DNAH11: variants seen among roughly 807,000 people sequenced by gnomAD.
The protein encoded by DNAH11 is dynein axonemal heavy chain 11.
DNAH11 carries 442 observed loss-of-function variants against 526.0 expected under a neutral mutation model. The ratio of observed to expected loss-of-function variants is 0.84; its 90% confidence interval spans 0.78 to 0.91. DNAH11 has a LOEUF of 0.91. DNAH11 is among the 40% of genes least tolerant of loss of function. The probability of loss-of-function intolerance (pLI) is 0.00; values close to 1 mark genes in which losing one functional copy is unlikely to be tolerated. For synonymous variants in DNAH11, 2,461 were observed against 1,935.9 expected, an observed-to-expected ratio of 1.27 and a Z score of -7.12; for missense variants, 6,989 against 5,448.7, an observed-to-expected ratio of 1.28 and a Z score of -8.90.
intron 20 of DNAH11, among the ~76,000 whole-genome samples, chr7:21,609,320 A>T (rs1051749931): frequency 1.3e-5 from 2 of 152,068 alleles, no homozygotes; most frequent in South Asian, 4.2e-4. Context: ...GGTTCAAGCA[A>T]TTCTCCTGCC....
At chr7:21,614,892 A>G (rs892056336) in intron 20 of DNAH11, among the ~76,000 whole-genome samples, 1 of 152,200 alleles carries the variant, frequency 6.6e-6, no homozygotes, top group Admixed American at 6.5e-5. Context: ...TAGGGACAGT[A>G]TTGTTGAAGT....
intron 45 of DNAH11, among the ~76,000 whole-genome samples, chr7:21,728,753 G>T (rs183249811): frequency 2.7e-4 from 41 of 152,302 alleles, no homozygotes; most frequent in African/African-American, 9.9e-4. Context: ...AAAATACAGT[G>T]GTAGAACAGG....
chr7:21,704,625 CAAAGTA>C lies in DNAH11; in HGVS notation c.6468+2_6468+7del. 6.3e-7 allele frequency: 1 copy of C among 1,590,524 alleles called. No homozygotes were observed. The highest frequency in any genetic ancestry group is 8.5e-7 in the Non-Finnish European group (1 of 1,173,768). On this transcript the variant is annotated splice_donor_variant and splice_donor_region_variant and coding_sequence_variant and intron_variant, in exon 38 of 82. Transcript: ENST00000409508. LOFTEE classifies it high-confidence loss of function. The stretch of plus-strand genomic sequence containing the variant: ...TGCAGCCTGAAGAGAGCTTCATCCT[CAAAGTA>C]AAAGGAGCATTTGCTTTTCATGGCA...
intron 68 of DNAH11, among the ~76,000 whole-genome samples, chr7:21,856,270 G>A (rs1411557026): frequency 1.3e-5 from 2 of 152,168 alleles, no homozygotes; most frequent in Admixed American, 6.5e-5. Context: ...TCAGAGTTAC[G>A]TGAACAGACC....
At chr7:21,756,630 A>G (rs1786652954) in intron 54 of DNAH11, among the ~76,000 whole-genome samples, 1 of 152,148 alleles carries the variant, frequency 6.6e-6, no homozygotes, top group Non-Finnish European at 1.5e-5. Context: ...TCATTCACCT[A>G]CACTGTTTTC....
chr7:21,609,589 A>C lies in DNAH11; in HGVS notation c.3852+2856A>C, dbSNP rs112460052. On this transcript the variant is annotated intron_variant, in intron 20 of 81. Coordinates refer to ENST00000409508, the MANE Select transcript of DNAH11 (RefSeq NM_001277115.2). ...GATAGGAAAAAAAACGATTAAAAAT[A>C]AATCAAAGGGATATTGGCTTTGGAG... Among the ~76,000 whole-genome samples, 524 of 152,354 alleles carry C rather than the reference A, an allele frequency of 3.4e-3. 8 individuals are homozygous for C. The highest frequency in any genetic ancestry group is 0.012 in the African/African-American group (489 of 41,588).
At chr7:21,736,390 A>T (rs1228460586) in intron 46 of DNAH11, among the ~76,000 whole-genome samples, 1 of 152,188 alleles carries the variant, frequency 6.6e-6, no homozygotes. Flanking sequence ...CATGGGATGT[A>T]GAGAGGAAAT....
In DNAH11 at chr7:21,704,419, T is replaced by TG. The variant is rs769466210; in HGVS notation, c.6274-14dup. ...ACCTTGTATTGGCTTTTTTATAAAA[T>TG]GTTTTTTTTTCTAGGTACTCATGAG... On this transcript the variant is annotated splice_polypyrimidine_tract_variant and intron_variant, in intron 37 of 81. Coordinates refer to ENST00000409508, the MANE Select transcript of DNAH11 (RefSeq NM_001277115.2). The TG allele has an allele frequency of 8.1e-6, 13 of 1,598,964 alleles. No homozygotes were observed. The highest frequency in any genetic ancestry group is 7.9e-5 in the South Asian group (7 of 88,126).
intron 62 of DNAH11, among the ~76,000 whole-genome samples, chr7:21,802,086 G>T (rs548477915): frequency 5.5e-4 from 84 of 152,298 alleles, no homozygotes; most frequent in Non-Finnish European, 1.0e-3. Flanking sequence ...TTACAAGGTT[G>T]TGATGATTCT....
chr7:21,809,217 T>A (rs546571910), intron 63 of DNAH11, among the ~76,000 whole-genome samples: 1 of 152,330 alleles, frequency 6.6e-6, no homozygotes, highest in East Asian at 1.9e-4. Flanking sequence ...ACTTTGTCCA[T>A]TTTACGATCA....
At chr7:21,609,850 T>C (rs954104891) in intron 20 of DNAH11, among the ~76,000 whole-genome samples, 2 of 152,142 alleles carry the variant, frequency 1.3e-5, no homozygotes, top group East Asian at 1.9e-4. Flanking sequence ...TAGAAGATGC[T>C]GTTAAGGGTG....
chr7:21,739,839 T>C (rs930873611), intron 48 of DNAH11, among the ~76,000 whole-genome samples, 166 bp downstream of exon 48: 1 of 152,208 alleles, frequency 6.6e-6, no homozygotes. Flanking sequence ...AGCCTTTTTG[T>C]TTTAATTGGT....
rs371439648 is a variant in DNAH11, at chr7:21,899,949, A to G, written c.13163-31A>G. On this transcript the variant is annotated intron_variant, in intron 80 of 81. Coordinates refer to ENST00000409508, the MANE Select transcript of DNAH11 (RefSeq NM_001277115.2). ...CGGGAACCTTACATGCAACACTTTT[A>G]TCCTATTCAATTTTTGTTATATTTC... 3.1e-6 allele frequency: 5 copies of G among 1,611,560 alleles called. No homozygotes were observed. The African/African-American group carries it at 6.7e-5, about 22-fold the overall frequency.
rs1159150090 is a variant in DNAH11 at position 21,581,967 on chromosome 7, G to A, written c.1656G>A (p.Gly552=). 11 of 1,613,238 alleles carry A rather than the reference G, an allele frequency of 6.8e-6. No homozygotes were observed. The Admixed American group carries it at 1.0e-4, about 15-fold the overall frequency. The stretch of plus-strand genomic sequence containing the variant: ...CTCTGGAATTTGACAGAAGGCTTGG[G>A]ACAATTATTTGTGAAGCTTTCTTTA... ...SKTLEFDRRL[G]TIICEAFFNC... Residue 552 remains glycine (G), a synonymous_variant, in exon 9 of 82, where the codon GGG becomes GGA. Coordinates refer to ENST00000409508, the MANE Select transcript of DNAH11 (RefSeq NM_001277115.2).
In DNAH11 at chr7:21,739,579, G is replaced by A. The variant is rs376929592; in HGVS notation, c.7820G>A (p.Arg2607Lys). The change falls in exon 48 of 82, where the codon AGA (arginine) becomes AAA (lysine). Residue 2607 changes from arginine to lysine, a missense_variant. Coordinates refer to ENST00000409508, the MANE Select transcript of DNAH11 (RefSeq NM_001277115.2). ...QHIDYGHWYD[R>K]QKVMLKEIHN... ...TGTTTTCTGTCTTTCAGGTATGATAGACAGAAGGTGATGCTTAAAGAAATC... is the reference window on the plus strand; with the variant it reads ...TGTTTTCTGTCTTTCAGGTATGATAAACAGAAGGTGATGCTTAAAGAAATC... 4.3e-6 allele frequency: 7 copies of A among 1,611,698 alleles called. No homozygotes were observed. Among genetic ancestry groups the A allele is most frequent in the Non-Finnish European group, 5.9e-6 (7 of 1,179,088 alleles).
At chr7:21,587,628 G>T (rs1449410989) in intron 9 of DNAH11, among the ~76,000 whole-genome samples, 1 of 152,024 alleles carries the variant, frequency 6.6e-6, no homozygotes, top group African/African-American at 2.4e-5. Flanking sequence ...GGCACATCTG[G>T]TATAATTATT....
chr7:21,898,215 C>G (rs779169726), intron 79 of DNAH11, among the ~76,000 whole-genome samples: 1 of 152,186 alleles, frequency 6.6e-6, no homozygotes, highest in African/African-American at 2.4e-5. Flanking sequence ...TTGCTTTTCT[C>G]ATTCGCCTTT....
chr7:21,849,583 A>T (rs1214236472), intron 66 of DNAH11, among the ~76,000 whole-genome samples: 2 of 152,222 alleles, frequency 1.3e-5, no homozygotes, highest in African/African-American at 4.8e-5. Flanking sequence ...ATTTTATAAG[A>T]TACAAAATTA....
At chr7:21,598,556 C>T (rs920761407) in intron 14 of DNAH11, among the ~76,000 whole-genome samples, 1 of 151,528 alleles carries the variant, frequency 6.6e-6, no homozygotes. Context: ...TGGGTCTATT[C>T]CACAGGTTGC....
Sources: gnomAD v4.1 joint callset for allele counts (sites outside exome capture counted in the v4.1 genomes callset) on GRCh38, gnomAD v4.1.1 for gene constraint, MANE v1.5 for transcripts, NCBI Gene and HGNC (gene_info 2026-07-23, HGNC 2026-07-21) for gene names.